Variants in TBC1D2 observed in about 807,000 individuals in gnomAD.
TBC1D2 encodes the protein TBC1 domain family member 2A.
Under a neutral mutation model 91.1 loss-of-function variants are expected in TBC1D2, and 58 were observed. The ratio of observed to expected loss-of-function variants is 0.64; its 90% CI spans 0.52 to 0.79. The LOEUF is 0.79. Among genes scored for constraint, TBC1D2 ranks in the 30% least tolerant of loss-of-function variants. The pLI, the probability that TBC1D2 is intolerant of heterozygous loss-of-function variation, is 0.00. For missense variants in TBC1D2, 1,080 were observed against 1,208.3 expected (o/e 0.89, Z 1.57); for synonymous variants, 482 against 511.5 (o/e 0.94, Z 0.78).
chr9:98,203,943 G>A (rs983011755), intron 9 of TBC1D2, among the ~76,000 whole-genome samples: 4 of 152,158 alleles, frequency 2.6e-5, no homozygotes, highest in Admixed American at 2.0e-4. Flanking sequence ...GGGCCAAGAG[G>A]CATCTTGAGA....
chr9:98,229,231 G>A (rs1490930728), intron 4 of TBC1D2, 83 bp from the exon 5 acceptor site: 18 of 1,352,798 alleles, frequency 1.3e-5, no homozygotes, highest in Non-Finnish European at 1.8e-5. Flanking sequence ...AGCACCTGGA[G>A]GGCTTGTTAA....
At chr9:98,206,632 G>A (rs868642433) in intron 9 of TBC1D2, among the ~76,000 whole-genome samples, 1 of 152,186 alleles carries the variant, frequency 6.6e-6, no homozygotes, top group Non-Finnish European at 1.5e-5. Flanking sequence ...GCTATTTGGA[G>A]AGAGAGCAGG....
chr9:98,212,663 G>A (rs1564239179), intron 7 of TBC1D2, among the ~76,000 whole-genome samples: 2 of 152,244 alleles, frequency 1.3e-5, no homozygotes, highest in East Asian at 1.9e-4. Context: ...CACCATGCCC[G>A]GCTAATTTTT....
At chr9:98,226,380 G>A (rs1829234306) in intron 5 of TBC1D2, among the ~76,000 whole-genome samples, 1 of 152,208 alleles carries the variant, frequency 6.6e-6, no homozygotes, top group Non-Finnish European at 1.5e-5. Context: ...GGGTAAGGAG[G>A]GCTGCAGTAA....
intron 11 of TBC1D2, 56 bp downstream of exon 11, chr9:98,201,423 G>T: frequency 6.6e-7 from 1 of 1,526,548 alleles, no homozygotes; most frequent in Non-Finnish European, 9.0e-7. Flanking sequence ...TCAAGACGCA[G>T]ATGGGTGAAG....
chr9:98,254,957 A>T (rs890007540), intron 1 of TBC1D2, among the ~76,000 whole-genome samples: 3 of 152,172 alleles, frequency 2.0e-5, no homozygotes, highest in African/African-American at 7.2e-5. Context: ...CCTCTGACTC[A>T]GTTTCTTGAT....
intron 6 of TBC1D2, chr9:98,213,495 C>T: frequency 2.9e-6 from 3 of 1,038,972 alleles, no homozygotes; most frequent in Non-Finnish European, 2.5e-6. Flanking sequence ...ACCACTCTGA[C>T]CCTCTGTTTC....
chr9:98,219,202 A>G (rs1023099581), intron 6 of TBC1D2, among the ~76,000 whole-genome samples: 1 of 152,262 alleles, frequency 6.6e-6, no homozygotes, highest in Admixed American at 6.5e-5. Context: ...AGTCAAGAGG[A>G]CTAGTTGGGC....
intron 8 of TBC1D2, among the ~76,000 whole-genome samples, chr9:98,209,973 C>T (rs113838203): frequency 0.031 from 4,681 of 150,518 alleles, 255 homozygotes; most frequent in African/African-American, 0.11. Flanking sequence ...GGACTACAGG[C>T]GTGCACCACC....
In TBC1D2 at chr9:98,244,007, C is replaced by T; in HGVS notation, c.634G>A (p.Gly212Arg). 1 of 1,606,974 alleles carries T rather than the reference C, an allele frequency of 6.2e-7. No individual in the cohort carries two copies. Among genetic ancestry groups the T allele is most frequent in the Non-Finnish European group, 8.5e-7 (1 of 1,176,910 alleles). The change falls in exon 3 of 13, where the codon GGG becomes AGG. Residue 212 changes from glycine (G) to arginine (R), a missense_variant. Coordinates refer to ENST00000465784, the MANE Select transcript of TBC1D2 (RefSeq NM_001267571.2). ...ALQNISLKHLGTEIQNTMHNI... is the reference protein window; with the variant it reads ...ALQNISLKHLRTEIQNTMHNI... ...ACTGGCACTTACTGTATTTCAGTCC[C>T]CAGGTGCTTGAGGGAAATATTCTGA...
At chr9:98,245,318 C>T (rs1304333177) in intron 2 of TBC1D2, among the ~76,000 whole-genome samples, 3 of 152,102 alleles carry the variant, frequency 2.0e-5, no homozygotes, top group Admixed American at 6.5e-5. Context: ...CCTGTAATCC[C>T]GCCACTTTGG....
chr9:98,232,342 G>GTTTTTTTTTT lies in TBC1D2; in HGVS notation c.781+1064_781+1073dup, dbSNP rs753455224. 2.8e-4 allele frequency among the ~76,000 whole-genome samples: 24 copies of GTTTTTTTTTT among 86,778 alleles called. 1 individual carries two copies. The highest frequency in any genetic ancestry group is 9.5e-4 in the African/African-American group (21 of 21,996). 56.9% of individuals were successfully genotyped at this position (86,778 alleles called of 152,430 possible). On this transcript the variant is annotated intron_variant, in intron 4 of 12. Transcript: ENST00000465784. Reference sequence around the variant, plus strand: ...TTTCTTTTCTTCTTTCTCTTTTTCTGTTTTTTTTTTTGACAGTGTCTCACT... The same window carrying GTTTTTTTTTT: ...TTTCTTTTCTTCTTTCTCTTTTTCTGTTTTTTTTTTTTTTTTTTTTTGACAGTGTCTCACT...
At chr9:98,224,200 A>G (rs1203665738) in intron 5 of TBC1D2, among the ~76,000 whole-genome samples, 1 of 127,330 alleles carries the variant, frequency 7.9e-6, no homozygotes, top group Non-Finnish European at 1.6e-5. Context: ...CCATCTCAAA[A>G]AAAAAAAAAA....
At chr9:98,238,195 C>T (rs994564569) in intron 3 of TBC1D2, among the ~76,000 whole-genome samples, 1 of 136,770 alleles carries the variant, frequency 7.3e-6, no homozygotes, top group East Asian at 1.9e-4. Context: ...TGAGCCCCTG[C>T]GCTCAGCCTA....
intron 2 of TBC1D2, among the ~76,000 whole-genome samples, chr9:98,246,090 G>A (rs1345270278): frequency 5.9e-5 from 9 of 152,176 alleles, no homozygotes; most frequent in Non-Finnish European, 1.5e-5. Flanking sequence ...GTATAAGAGA[G>A]GGGAGGTGAA....
chr9:98,206,317 T>C (rs1261825017), intron 9 of TBC1D2, among the ~76,000 whole-genome samples: 1 of 152,242 alleles, frequency 6.6e-6, no homozygotes, highest in African/African-American at 2.4e-5. Context: ...TTATCTGCAT[T>C]TGCATATCAA....
intron 3 of TBC1D2, chr9:98,235,534 A>G (rs1201304544): frequency 2.2e-6 from 1 of 455,662 alleles, no homozygotes; most frequent in Non-Finnish European, 4.3e-6. Flanking sequence ...TCACACTTCA[A>G]TGATTTATTC....
chr9:98,201,340 T>A (rs1828494767), intron 11 of TBC1D2, 139 bp downstream of exon 11: 2 of 754,946 alleles, frequency 2.6e-6, no homozygotes, highest in South Asian at 1.9e-5. Flanking sequence ...CATTTTGCAG[T>A]TGACAATGCT....
Position 98,255,187 on chromosome 9 carries a change from C to T in TBC1D2, c.355G>A (p.Val119Ile). 1.2e-6 allele frequency: 2 copies of T among 1,607,722 alleles called. No homozygotes were observed. Among genetic ancestry groups the T allele is most frequent in the Non-Finnish European group, 1.7e-6 (2 of 1,175,278 alleles). Residue 119 changes from valine (V) to isoleucine (I), a missense_variant, in exon 1 of 13, where the codon GTT (valine) becomes ATT (isoleucine). Physicochemically the swap from Val to Ile is conservative, Grantham distance 29 (BLOSUM62 3). Coordinates refer to ENST00000465784, the MANE Select transcript of TBC1D2 (RefSeq NM_001267571.2). ...GIFEIKTPSR[V>I]ITLKAATKQA... Reference sequence around the variant, plus strand: ...CAGGAATTTACCTTCAGGGTAATAACCCGGCTGGGAGTCTTGATTTCGAAG... The same window carrying T: ...CAGGAATTTACCTTCAGGGTAATAATCCGGCTGGGAGTCTTGATTTCGAAG...
Sources: gnomAD v4.1 joint callset for allele counts (sites outside exome capture counted in the v4.1 genomes callset) on GRCh38, gnomAD v4.1.1 for gene constraint, MANE v1.5 for transcripts, NCBI Gene and HGNC (gene_info 2026-07-23, HGNC 2026-07-21) for gene names.